The following SH2B2 variants were observed in gnomAD, a reference collection of about 807,000 sequenced individuals.
SH2B2 encodes SH2B adaptor protein 2.
SH2B2 carries 37 observed loss-of-function variants against 35.7 expected under a neutral mutation model. The ratio of observed to expected loss-of-function variants is 1.04; its 90% confidence interval spans 0.80 to 1.36. SH2B2 has a LOEUF of 1.36. Ranked by LOEUF, SH2B2 falls within the 40% of genes most tolerant of loss-of-function variation. SH2B2 has a pLI of 0.00. For synonymous variants in SH2B2, 383 were observed against 376.4 expected (o/e 1.02, Z -0.20); for missense variants, 852 against 817.7 (o/e 1.04, Z -0.51).
chr7:102,311,894 T>C (rs535918440), intron 4 of SH2B2, among the ~76,000 whole-genome samples: 31 of 150,998 alleles, frequency 2.1e-4, no homozygotes, highest in African/African-American at 4.4e-4. Flanking sequence ...CTGGCCAACA[T>C]GGGGAAACCC....
At chr7:102,307,346 G>A (rs1272336776) in intron 3 of SH2B2, among the ~76,000 whole-genome samples, 3 of 152,198 alleles carry the variant, frequency 2.0e-5, no homozygotes, top group Non-Finnish European at 2.9e-5. Flanking sequence ...CTGAGGACAC[G>A]GCTCCAGGCT....
At chr7:102,318,058 G>A (rs2133044847) in intron 7 of SH2B2, among the ~76,000 whole-genome samples, 1 of 152,274 alleles carries the variant, frequency 6.6e-6, no homozygotes, top group Non-Finnish European at 1.5e-5. Context: ...CACCCAGCTG[G>A]ATCAGAGGCA....
At chr7:102,306,925 C>A in intron 3 of SH2B2, 103 bp downstream of exon 3, 1 of 918,794 alleles carries the variant, frequency 1.1e-6, no homozygotes, top group Non-Finnish European at 1.7e-6. Flanking sequence ...GAGCCTAAGG[C>A]AGGACAGTAG....
chr7:102,293,267 C>A (rs1337318891), intron 1 of SH2B2: 2 of 143,714 alleles, frequency 1.4e-5, no homozygotes, highest in East Asian at 4.4e-4. Context: ...AAAGCCGCCG[C>A]CCCCTCCCCC....
At chr7:102,287,297 T>G (rs1792493246) in intron 1 of SH2B2, among the ~76,000 whole-genome samples, 1 of 151,842 alleles carries the variant, frequency 6.6e-6, no homozygotes, top group African/African-American at 2.4e-5. Context: ...GGCTGGGATC[T>G]GCTCCCCGAT....
chr7:102,294,628 A>C (rs1400304408), intron 1 of SH2B2, among the ~76,000 whole-genome samples: 3 of 152,030 alleles, frequency 2.0e-5, no homozygotes, highest in African/African-American at 7.2e-5. Flanking sequence ...AGCTCCCTAC[A>C]TGGGGTCTCC....
rs71123035 is a variant in SH2B2, at chr7:102,299,197, C to CTTT, written c.-29-1308_-29-1306dup. Among the ~76,000 whole-genome samples the CTTT allele has an allele frequency of 9.3e-4, 23 of 24,634 alleles. 4 individuals carry two copies. The highest frequency in any genetic ancestry group is 5.5e-3 in the South Asian group (3 of 550). The allele number at this position is 24,634 out of a possible 152,430, so 16.2% of individuals were successfully genotyped here. A position where few individuals can be genotyped will look rare whatever the true frequency, so the allele number is the denominator to read the frequency against. On this transcript the variant is annotated intron_variant, in intron 1 of 8. Coordinates refer to ENST00000444095, the MANE Select transcript of SH2B2 (RefSeq NM_001359228.2). The stretch of plus-strand genomic sequence containing the variant: ...TACAGGCATGAGCCACCGCGCCTGG[C>CTTT]TTTTTTTTTTTTTTTTTTTGAGGTG...
Position 102,300,974 on chromosome 7 carries a change from C to A in SH2B2, c.424C>A (p.Leu142Met). Residue 142 changes from leucine to methionine, a missense_variant, in exon 2 of 9, where the codon CTG (leucine) becomes ATG (methionine). Physicochemically the swap from Leu to Met is conservative, Grantham distance 15. Around this residue, in one of 3 missense-constraint regions of SH2B2, gnomAD observed 294 missense variants for 286.6 expected, o/e 1.03. Transcript: ENST00000444095. ...GGGCTTCTCGCTGCGCAACATGAGC[C>A]TGTGCGTGGTGGACGGCGTGCGCGA... ...RKGFSLRNMS[L>M]CVVDGVRDMW... The A allele has an allele frequency of 6.8e-7, 1 of 1,477,500 alleles. No individual in the cohort carries two copies. The highest frequency in any genetic ancestry group is 9.0e-7 in the Non-Finnish European group (1 of 1,116,362). The allele number at this position is 1,477,500 out of a possible 1,614,324, so 91.5% of individuals were successfully genotyped here.
At chr7:102,311,409 C>T (rs1217514302) in intron 4 of SH2B2, among the ~76,000 whole-genome samples, 1 of 152,134 alleles carries the variant, frequency 6.6e-6, no homozygotes, top group African/African-American at 2.4e-5. Context: ...CACCTGCCAA[C>T]AAGCCCAGCT....
chr7:102,299,292 G>A (rs945623342), intron 1 of SH2B2, among the ~76,000 whole-genome samples: 2 of 146,276 alleles, frequency 1.4e-5, no homozygotes, highest in African/African-American at 2.6e-5. Flanking sequence ...TCCGCCTCCT[G>A]GGTTCAAGCG....
intron 2 of SH2B2, among the ~76,000 whole-genome samples, chr7:102,301,489 G>C (rs1331695755): frequency 6.6e-6 from 1 of 152,002 alleles, no homozygotes; most frequent in Non-Finnish European, 1.5e-5. Flanking sequence ...TGCGAGGAAG[G>C]GTCCTCTGGC....
At chr7:102,290,406 A>G (rs12112502) in intron 1 of SH2B2, among the ~76,000 whole-genome samples, 4,413 of 152,184 alleles carry the variant, frequency 0.029, 240 homozygotes, top group African/African-American at 0.1. Flanking sequence ...CTGGGGTTAC[A>G]GGTGTGCACC....
At chr7:102,313,601 T>C (rs1173681022) in intron 4 of SH2B2, among the ~76,000 whole-genome samples, 1 of 151,902 alleles carries the variant, frequency 6.6e-6, no homozygotes, top group African/African-American at 2.4e-5. Context: ...AATTTCTTTA[T>C]GACAAGTTTT....
At chr7:102,312,397 G>T (rs940488059) in intron 4 of SH2B2, among the ~76,000 whole-genome samples, 1 of 152,130 alleles carries the variant, frequency 6.6e-6, no homozygotes, top group African/African-American at 2.4e-5. Context: ...CAGGGAAATG[G>T]TCCATTTTTA....
At chr7:102,288,965 G>A (rs1199595419) in intron 1 of SH2B2, among the ~76,000 whole-genome samples, 13 of 152,218 alleles carry the variant, frequency 8.5e-5, no homozygotes, top group African/African-American at 2.7e-4. Flanking sequence ...CCGGGGCTAC[G>A]CTCATTCTTA....
intron 7 of SH2B2, among the ~76,000 whole-genome samples, chr7:102,318,670 T>C (rs1274807785): frequency 6.6e-6 from 1 of 151,954 alleles, no homozygotes; most frequent in African/African-American, 2.4e-5. Flanking sequence ...ACAGTGTCTC[T>C]CTGCAGGGAC....
At position 102,301,855 on chromosome 7, in the gene SH2B2, G is replaced by A. The variant is rs566486191; in HGVS notation, c.729+576G>A. ...CCCAGTGTTGGGATTACAGTCGTGA[G>A]CCACCATGTCCAGCCTTTCTTTCCT... On this transcript the variant is annotated intron_variant, in intron 2 of 8. Coordinates refer to ENST00000444095, the MANE Select transcript of SH2B2 (RefSeq NM_001359228.2). Among the ~76,000 whole-genome samples the A allele has an allele frequency of 3.3e-5, 5 of 152,178 alleles. No individual in the cohort carries two copies. In the South Asian group the frequency reaches 1.0e-3, roughly 32 times the overall value.
chr7:102,311,652 C>T lies in SH2B2; in HGVS notation c.924-2684C>T, dbSNP rs944404800. Among the ~76,000 whole-genome samples, 14 of 150,966 alleles carry T rather than the reference C, an allele frequency of 9.3e-5. No homozygotes were observed. In the South Asian group the frequency reaches 1.1e-3, roughly 11 times the overall value. ...CTGGGTTCAAGAGACCCGCCTGCCT[C>T]GGCCTCCCAAAGCACTGGGATTACA... is the stretch of plus-strand genomic sequence containing the variant. On this transcript the variant is annotated intron_variant, in intron 4 of 8. Transcript: ENST00000444095.
intron 2 of SH2B2, among the ~76,000 whole-genome samples, chr7:102,305,371 T>C (rs1275484530): frequency 6.6e-6 from 1 of 152,166 alleles, no homozygotes; most frequent in Non-Finnish European, 1.5e-5. Flanking sequence ...GTTCAAGTGA[T>C]CCTCGTGCCT....
Sources: gnomAD v4.1 joint callset for allele counts (sites outside exome capture counted in the v4.1 genomes callset) on GRCh38, gnomAD v4.1.1 for gene constraint, gnomAD v4.1.1 regional missense constraint, MANE v1.5 for transcripts, NCBI Gene and HGNC (gene_info 2026-07-23, HGNC 2026-07-21) for gene names.